ITLN2: variants seen among roughly 807,000 people sequenced by gnomAD.
ITLN2 encodes the protein intelectin 2.
ITLN2 carries 29 observed loss-of-function variants against 39.4 expected under a neutral mutation model. The ratio of observed to expected loss-of-function variants is 0.74; its 90% CI spans 0.55 to 1.00. ITLN2 has a LOEUF of 1.00. Among genes scored for constraint, ITLN2 ranks in the 50% least tolerant of loss-of-function variants. The probability of loss-of-function intolerance (pLI) is 0.00; values close to 1 mark genes in which losing one functional copy is unlikely to be tolerated. For missense variants in ITLN2, 412 were observed against 416.7 expected (o/e 0.99, Z 0.10); for synonymous variants, 156 against 153.4 (o/e 1.02, Z -0.12).
rs372898770 is a variant in ITLN2, at chr1:160,952,609, T to A, written c.193+11A>T. 3 of 1,590,980 alleles carry A rather than the reference T, an allele frequency of 1.9e-6. No individual in the cohort carries two copies. Among genetic ancestry groups the A allele is most frequent in the Non-Finnish European group, 2.6e-6 (3 of 1,159,064 alleles). ...TTCAAAGAGAGAATGCTGAGTTGGTTCATTACTCACCACCTGCACTATGGC... is the reference window on the plus strand; with the variant it reads ...TTCAAAGAGAGAATGCTGAGTTGGTACATTACTCACCACCTGCACTATGGC... On this transcript the variant is annotated intron_variant, in intron 3 of 7. Coordinates refer to ENST00000368029, the MANE Select transcript of ITLN2 (RefSeq NM_080878.3).
Position 160,950,114 on chromosome 1 carries a change from G to T in ITLN2, c.653C>A (p.Ala218Asp). Residue 218 changes from alanine (A) to aspartate (D), a missense_variant, in exon 6 of 8, where the codon GCC becomes GAC. Transcript: ENST00000368029. Reference sequence around the variant, plus strand: ...ACCAAAGTCATAGACCACAGGTATGGCTGGGCCATTGTCATTCCAACATTT... The same window carrying T: ...ACCAAAGTCATAGACCACAGGTATGTCTGGGCCATTGTCATTCCAACATTT... ...SGKCWNDNGP[A>D]IPVVYDFGDA... 1 of 1,613,222 alleles carries T rather than the reference G, an allele frequency of 6.2e-7. No homozygotes were observed. The highest frequency in any genetic ancestry group is 8.5e-7 in the Non-Finnish European group (1 of 1,179,164).
intron 3 of ITLN2, 51 bp downstream of exon 3, chr1:160,952,569 G>A: frequency 7.9e-7 from 1 of 1,267,608 alleles, no homozygotes; most frequent in South Asian, 1.2e-5. Context: ...GGGCTCTGTT[G>A]AGCTAAAAAG....
chr1:160,945,840 G>A (rs1198102363), intron 7 of ITLN2, among the ~76,000 whole-genome samples: 1 of 152,074 alleles, frequency 6.6e-6, no homozygotes, highest in Non-Finnish European at 1.5e-5. Flanking sequence ...CACTACAACT[G>A]TGGTGCTGTC....
At chr1:160,947,395 A>G (rs561494763) in intron 7 of ITLN2, among the ~76,000 whole-genome samples, 4 of 152,324 alleles carry the variant, frequency 2.6e-5, no homozygotes, top group Admixed American at 1.3e-4. Flanking sequence ...CCCAGGGATG[A>G]GCAGGAGACA....
chr1:160,953,794 T>C (rs1390539024), intron 2 of ITLN2, among the ~76,000 whole-genome samples: 6 of 152,216 alleles, frequency 3.9e-5, no homozygotes, highest in Admixed American at 6.5e-5. Context: ...TTAACATCTC[T>C]GATCCTTTTT....
rs1671769940 is a variant in ITLN2 at position 160,952,620 on chromosome 1, C to T, written c.193G>A (p.Asp65Asn). The change falls in exon 3 of 8, where the codon GAT (aspartate) becomes AAT (asparagine). Residue 65 changes from aspartate (D) to asparagine (N), a missense_variant and splice_region_variant. By Grantham distance (23) the Asp-to-Asn change is conservative. Transcript: ENST00000368029. ...AATGCTGAGTTGGTTCATTACTCACCACCTGCACTATGGCAGCGTTCCTTG... is the reference window on the plus strand; with the variant it reads ...AATGCTGAGTTGGTTCATTACTCACTACCTGCACTATGGCAGCGTTCCTTG... ...EIKERCHSAG[D>N]GLYFLRTKNG... The T allele has an allele frequency of 6.2e-7, 1 of 1,607,654 alleles. No individual in the cohort carries two copies. Among genetic ancestry groups the T allele is most frequent in the Non-Finnish European group, 8.5e-7 (1 of 1,174,090 alleles).
chr1:160,951,115 T>C lies in ITLN2; in HGVS notation c.369A>G (p.Pro123=). ...SSQQGNKADY[P]EGDGNWANYN... ...AGTTGGCCCAGTTGCCATCCCCCTC[T>C]GGGTAGTCTGCTTTGTTGCCCTGCT... Residue 123 remains proline (P), a synonymous_variant, in exon 4 of 8, where the codon CCA becomes CCG. Transcript: ENST00000368029. 6.2e-7 allele frequency: 1 copy of C among 1,614,194 alleles called. No individual in the cohort carries two copies. Among genetic ancestry groups the C allele is most frequent in the South Asian group, 1.1e-5 (1 of 91,084 alleles).
chr1:160,950,236 G>A, intron 5 of ITLN2, 70 bp from the exon 6 acceptor site: 1 of 1,541,902 alleles, frequency 6.5e-7, no homozygotes, highest in South Asian at 1.1e-5. Flanking sequence ...GGGAGGAGGG[G>A]TTTCAAATTA....
intron 2 of ITLN2, among the ~76,000 whole-genome samples, chr1:160,953,481 G>A (rs1393527026): frequency 6.6e-6 from 1 of 152,180 alleles, no homozygotes; most frequent in East Asian, 1.9e-4. Flanking sequence ...GGAGGCCGAG[G>A]AGGGTGGATC....
chr1:160,949,784 TCCCCA>T, intron 6 of ITLN2: 6 of 383,234 alleles, frequency 1.6e-5, no homozygotes, highest in Non-Finnish European at 1.9e-5. Context: ...CTTTTTCTTT[TCCCCA>T]CAATTATAAG....
intron 2 of ITLN2, among the ~76,000 whole-genome samples, 169 bp downstream of exon 2, chr1:160,954,218 G>C (rs1367510979): frequency 2.0e-5 from 3 of 152,138 alleles, no homozygotes; most frequent in Non-Finnish European, 4.4e-5. Flanking sequence ...CCAGAAATCA[G>C]CACCCAGTCC....
At position 160,954,449 on chromosome 1, in the gene ITLN2, C is replaced by T; in HGVS notation, c.17G>A (p.Arg6Lys). Residue 6 changes from arginine (R) to lysine (K), a missense_variant and splice_region_variant, in exon 2 of 8, where the codon AGG (arginine) becomes AAG (lysine). Physicochemically the swap from Arg to Lys is conservative, Grantham distance 26 (BLOSUM62 2). Coordinates refer to ENST00000368029, the MANE Select transcript of ITLN2 (RefSeq NM_080878.3). ...CAGGAAGCAGAGTCTGGTCATTGTCCTCTAAGGAAAAACAAGATGCACAAG... is the reference window on the plus strand; with the variant it reads ...CAGGAAGCAGAGTCTGGTCATTGTCTTCTAAGGAAAAACAAGATGCACAAG... MLSML[R>K]TMTRLCFLLF... The T allele has an allele frequency of 6.3e-7, 1 of 1,577,654 alleles. No individual in the cohort carries two copies. Among genetic ancestry groups the T allele is most frequent in the Non-Finnish European group, 8.6e-7 (1 of 1,159,966 alleles).
At chr1:160,951,319 C>G in intron 3 of ITLN2, 29 bp from the exon 4 acceptor site, 4 of 1,543,746 alleles carry the variant, frequency 2.6e-6, no homozygotes, top group Non-Finnish European at 3.5e-6. Flanking sequence ...CAGAGCCTCC[C>G]TGTCTGAGAG....
chr1:160,951,385 C>T, intron 3 of ITLN2, 95 bp from the exon 4 acceptor site: 3 of 1,464,610 alleles, frequency 2.0e-6, no homozygotes, highest in Non-Finnish European at 2.8e-6. Flanking sequence ...CAAAAGCACA[C>T]TCAGAAGACT....
chr1:160,950,729 C>T lies in ITLN2; in HGVS notation c.442-18G>A, dbSNP rs1557874377. 4 of 1,604,318 alleles carry T rather than the reference C, an allele frequency of 2.5e-6. No individual in the cohort carries two copies. The highest frequency in any genetic ancestry group is 2.7e-5 in the African/African-American group (2 of 74,828). Reference sequence around the variant, plus strand: ...CCAGGGTTCTGGAAAGCAACAGACACTGAGCCTGACTGGGCCAGGAGGTAC... The same window carrying T: ...CCAGGGTTCTGGAAAGCAACAGACATTGAGCCTGACTGGGCCAGGAGGTAC... On this transcript the variant is annotated intron_variant, in intron 4 of 7. Transcript: ENST00000368029.
At position 160,945,199 on chromosome 1, in the gene ITLN2, C is replaced by A; in HGVS notation, c.919G>T (p.Val307Phe). Residue 307 changes from valine to phenylalanine, a missense_variant, in exon 8 of 8, where the codon GTT becomes TTT. Physicochemically the swap from Val to Phe is conservative, Grantham distance 50. Transcript: ENST00000368029. The part of the protein sequence containing the change: ...AFDWDGYGTH[V>F]KSSCSREITE... Reference sequence around the variant, plus strand: ...ATCTCCCGACTGCAGCTGCTCTTAACGTGAGTTCCATATCCATCCCAGTCA... The same window carrying A: ...ATCTCCCGACTGCAGCTGCTCTTAAAGTGAGTTCCATATCCATCCCAGTCA... 1.2e-6 allele frequency: 2 copies of A among 1,607,378 alleles called. No individual in the cohort carries two copies. The highest frequency in any genetic ancestry group is 1.7e-6 in the Non-Finnish European group (2 of 1,178,214).
In ITLN2 at chr1:160,951,140, T is replaced by C; in HGVS notation, c.344A>G (p.Gln115Arg). The change falls in exon 4 of 8, where the codon CAG (glutamine) becomes CGG (arginine). Residue 115 changes from glutamine (Q) to arginine (R), a missense_variant. By Grantham distance (43) the Gln-to-Arg change is conservative (BLOSUM62 1). Transcript: ENST00000368029. ...TGGGTAGTCTGCTTTGTTGCCCTGCTGACTGGACCAGCGATCACCCACCGT... is the reference window on the plus strand; with the variant it reads ...TGGGTAGTCTGCTTTGTTGCCCTGCCGACTGGACCAGCGATCACCCACCGT... ...KCTVGDRWSS[Q>R]QGNKADYPEG... is the part of the protein sequence containing the mutation. 6.2e-7 allele frequency: 1 copy of C among 1,614,226 alleles called. No homozygotes were observed. Among genetic ancestry groups the C allele is most frequent in the Non-Finnish European group, 8.5e-7 (1 of 1,180,040 alleles).
intron 5 of ITLN2, 81 bp downstream of exon 5, chr1:160,950,472 A>T: frequency 6.7e-7 from 1 of 1,502,340 alleles, no homozygotes; most frequent in Non-Finnish European, 9.1e-7. Flanking sequence ...GTGGAACCAC[A>T]GGACAGATCT....
In ITLN2 at chr1:160,947,372, C is replaced by A. The variant is rs1671629025; in HGVS notation, c.825+557G>T. ...GAATGGGAGTGGTCAGCTTTACACC[C>A]AGACATTCCATTCCCAGGGATGAGC... On this transcript the variant is annotated intron_variant, in intron 7 of 7. Transcript: ENST00000368029. 2.0e-5 allele frequency among the ~76,000 whole-genome samples: 3 copies of A among 152,328 alleles called. No homozygotes were observed. The South Asian group carries it at 6.2e-4, about 32-fold the overall frequency.
Sources: allele counts gnomAD v4.1 joint callset (sites outside exome capture counted in the v4.1 genomes callset), GRCh38; gene constraint gnomAD v4.1.1; transcripts MANE v1.5; gene names NCBI Gene and HGNC (gene_info 2026-07-23, HGNC 2026-07-21).